The following MAGI2 variants were observed in gnomAD, a reference collection of about 807,000 sequenced individuals.
The protein encoded by MAGI2 is membrane associated guanylate kinase, WW and PDZ domain containing 2, also known as membrane-associated guanylate kinase, WW and PDZ domain-containing protein 2.
A neutral mutation model predicts 133.3 loss-of-function variants in MAGI2; 35 were observed. The ratio of observed to expected loss-of-function variants is 0.26; its 90% CI spans 0.20 to 0.35. The LOEUF (loss-of-function observed/expected upper bound fraction) is 0.35, where lower values mean the gene tolerates loss of function less well. Ranked by LOEUF, MAGI2 falls within the 10% of genes least tolerant of loss-of-function variation. The pLI, the probability that MAGI2 is intolerant of heterozygous loss-of-function variation, is 1.00. For missense variants in MAGI2, 1,636 were observed against 1,863.4 expected (o/e 0.88, Z 2.25); for synonymous variants, 729 against 710.6 (o/e 1.03, Z -0.41).
intron 2 of MAGI2, among the ~76,000 whole-genome samples, chr7:78,640,832 G>A (rs1406437472): frequency 6.6e-6 from 1 of 152,234 alleles, no homozygotes; most frequent in Non-Finnish European, 1.5e-5. Flanking sequence ...AGGCTATGGG[G>A]CATTAGTGAA....
At chr7:79,206,051 C>T (rs1228226927) in intron 1 of MAGI2, among the ~76,000 whole-genome samples, 3 of 150,990 alleles carry the variant, frequency 2.0e-5, no homozygotes, top group African/African-American at 7.3e-5. Flanking sequence ...ACACAACATA[C>T]CAAAACATAT....
At chr7:78,917,061 ATTAC>A (rs1414090019) in intron 2 of MAGI2, among the ~76,000 whole-genome samples, 1 of 152,134 alleles carries the variant, frequency 6.6e-6, no homozygotes, top group Non-Finnish European at 1.5e-5. Context: ...TTCCAATTCA[ATTAC>A]TTAGTCTAAA....
chr7:78,452,579 C>A (rs985895), intron 6 of MAGI2, among the ~76,000 whole-genome samples: 97,813 of 151,534 alleles, frequency 0.65, 34,365 homozygotes, highest in Non-Finnish European at 0.78. Flanking sequence ...GGGAAAAAAA[C>A]CAAGTATGCA....
chr7:78,456,671 C>T (rs182435161), intron 6 of MAGI2, among the ~76,000 whole-genome samples: 2 of 152,112 alleles, frequency 1.3e-5, no homozygotes, highest in African/African-American at 4.8e-5. Context: ...ATACAAAATA[C>T]AGTGGTTTCA....
At chr7:78,405,805 T>C (rs968013380) in intron 6 of MAGI2, among the ~76,000 whole-genome samples, 1 of 152,206 alleles carries the variant, frequency 6.6e-6, no homozygotes, top group Admixed American at 6.6e-5. Flanking sequence ...TGCATTTCTA[T>C]GTTTGACTTG....
At chr7:79,178,921 G>T (rs1173518119) in intron 1 of MAGI2, among the ~76,000 whole-genome samples, 1 of 151,838 alleles carries the variant, frequency 6.6e-6, no homozygotes, top group African/African-American at 2.4e-5. Flanking sequence ...TACTAATCCA[G>T]CATGTCTACA....
chr7:79,349,508 C>A (rs1374227380), intron 1 of MAGI2, among the ~76,000 whole-genome samples: 4 of 151,770 alleles, frequency 2.6e-5, no homozygotes, highest in Non-Finnish European at 5.9e-5. Flanking sequence ...GTGCCAAATT[C>A]TGATTATTTA....
intron 1 of MAGI2, among the ~76,000 whole-genome samples, chr7:79,253,637 T>C (rs1181688149): frequency 6.6e-6 from 1 of 151,968 alleles, no homozygotes; most frequent in African/African-American, 2.4e-5. Context: ...AAAGGGACTT[T>C]GTCTTAAAAA....
chr7:78,357,878 A>G (rs1202411391), intron 7 of MAGI2, among the ~76,000 whole-genome samples: 1 of 151,958 alleles, frequency 6.6e-6, no homozygotes, highest in Non-Finnish European at 1.5e-5. Context: ...AAAAGTTTCT[A>G]TGATTCACCC....
intron 9 of MAGI2, among the ~76,000 whole-genome samples, chr7:78,293,333 A>G (rs1218547364): frequency 1.3e-5 from 2 of 152,212 alleles, no homozygotes; most frequent in African/African-American, 4.8e-5. Context: ...CACGTGAAAA[A>G]ATGCTCATCA....
At chr7:78,214,283 GT>G (rs2150814957) in intron 10 of MAGI2, among the ~76,000 whole-genome samples, 1 of 152,244 alleles carries the variant, frequency 6.6e-6, no homozygotes, top group African/African-American at 2.4e-5. Flanking sequence ...TGTTTTCTGA[GT>G]TTCTTGTTTT....
chr7:79,395,018 G>T (rs1844936831), intron 1 of MAGI2, among the ~76,000 whole-genome samples: 1 of 152,116 alleles, frequency 6.6e-6, no homozygotes, highest in Non-Finnish European at 1.5e-5. Context: ...AAAAAATTCA[G>T]TCATAGCTGT....
At chr7:79,214,430 TATATATATATATAA>T (rs1189357276) in intron 1 of MAGI2, among the ~76,000 whole-genome samples, 28 of 127,932 alleles carry the variant, frequency 2.2e-4, no homozygotes, top group Non-Finnish European at 4.2e-4. Flanking sequence ...TATATATATA[TATATATATATATAA>T]ATATGCACAC....
chr7:79,039,142 C>T (rs1811383797), intron 1 of MAGI2, among the ~76,000 whole-genome samples: 1 of 151,980 alleles, frequency 6.6e-6, no homozygotes, highest in African/African-American at 2.4e-5. Context: ...CCATGCTGTT[C>T]TCGTGATAGT....
chr7:78,343,686 CT>C lies in MAGI2; in HGVS notation c.1408+91del, dbSNP rs1790618940. ...TTTCCTAAAGTGAAGTGACCTTTGT[CT>C]TTTGAATAAAAACACAAAAGAAGCT... On this transcript the variant is annotated intron_variant, in intron 9 of 21. Coordinates refer to ENST00000354212, the MANE Select transcript of MAGI2 (RefSeq NM_012301.4). 6.0e-6 allele frequency: 6 copies of C among 992,768 alleles called. 1 individual carries two copies. The South Asian group carries it at 2.1e-4, about 35-fold the overall frequency. 61.5% of individuals were successfully genotyped at this position (992,768 alleles called of 1,614,324 possible).
intron 2 of MAGI2, among the ~76,000 whole-genome samples, chr7:78,667,852 C>A (rs766511837): frequency 6.6e-6 from 1 of 152,092 alleles, no homozygotes; most frequent in Non-Finnish European, 1.5e-5. Flanking sequence ...AATAAACATA[C>A]GTGTGCATGT....
rs1288630853 is a variant in MAGI2, at chr7:78,101,628, T to C, written c.3568-22543A>G. On this transcript the variant is annotated intron_variant, in intron 20 of 21. Transcript: ENST00000354212. Reference sequence around the variant, plus strand: ...AAGAAAATATAGGGAAGAAGCTCCTTGACATTGGTTTTGGCAATGATATTT... The same window carrying C: ...AAGAAAATATAGGGAAGAAGCTCCTCGACATTGGTTTTGGCAATGATATTT... 2.6e-5 allele frequency among the ~76,000 whole-genome samples: 4 copies of C among 152,274 alleles called. No homozygotes were observed. In the East Asian group the frequency reaches 7.7e-4, roughly 29 times the overall value.
intron 21 of MAGI2, among the ~76,000 whole-genome samples, chr7:78,020,442 C>A (rs1374892428): frequency 6.6e-6 from 1 of 152,134 alleles, no homozygotes; most frequent in Non-Finnish European, 1.5e-5. Flanking sequence ...AGGAAGTCCT[C>A]TGTATTTTTA....
At chr7:78,477,277 G>A (rs1432636930) in intron 6 of MAGI2, among the ~76,000 whole-genome samples, 1 of 151,934 alleles carries the variant, frequency 6.6e-6, no homozygotes, top group African/African-American at 2.4e-5. Context: ...GGACTACAGT[G>A]AGCATTTATT....
Sources: allele counts gnomAD v4.1 joint callset (sites outside exome capture counted in the v4.1 genomes callset), GRCh38; gene constraint gnomAD v4.1.1; transcripts MANE v1.5; gene names NCBI Gene and HGNC (gene_info 2026-07-23, HGNC 2026-07-21).